The following STPG2 variants were observed in gnomAD, a reference collection of about 807,000 sequenced individuals.
The protein encoded by STPG2 is sperm-tail PG-rich repeat-containing protein 2.
STPG2 carries 56 observed loss-of-function variants against 54.2 expected under a neutral mutation model. The observed-to-expected ratio is 1.03, with a 90% confidence interval of 0.83 to 1.29. The LOEUF (loss-of-function observed/expected upper bound fraction) is 1.29, where lower values mean the gene tolerates loss of function less well. Among genes scored for constraint, STPG2 ranks in the 50% most tolerant of loss-of-function variants. STPG2 has a pLI of 0.00. For synonymous variants in STPG2, 200 were observed against 181.8 expected, an observed-to-expected ratio of 1.10 and a Z score of -0.81; for missense variants, 596 against 544.9, an observed-to-expected ratio of 1.09 and a Z score of -0.93.
chr4:97,835,627 T>C (rs1036242409), intron 9 of STPG2, among the ~76,000 whole-genome samples: 1 of 152,134 alleles, frequency 6.6e-6, no homozygotes, highest in African/African-American at 2.4e-5. Flanking sequence ...TAATTTCAAC[T>C]TTCAAGTCTT....
At chr4:97,661,047 A>G (rs1722361694) in intron 10 of STPG2, among the ~76,000 whole-genome samples, 1 of 151,634 alleles carries the variant, frequency 6.6e-6, no homozygotes, top group African/African-American at 2.4e-5. Context: ...ATATAAAAAA[A>G]TAAGTTTCCA....
At chr4:97,570,432 C>A (rs1732569325) in intron 10 of STPG2, among the ~76,000 whole-genome samples, 1 of 152,152 alleles carries the variant, frequency 6.6e-6, no homozygotes, top group East Asian at 1.9e-4. Context: ...AGACAACTAA[C>A]AAGAAGACAC....
At chr4:97,596,901 A>C (rs559785559) in intron 10 of STPG2, among the ~76,000 whole-genome samples, 1 of 152,234 alleles carries the variant, frequency 6.6e-6, no homozygotes, top group Admixed American at 6.5e-5. Context: ...GCAGAAAACA[A>C]GAAATAACCA....
At chr4:97,465,073 T>G (rs537250780) in intron 4 of STPG2, among the ~76,000 whole-genome samples, 21 of 152,274 alleles carry the variant, frequency 1.4e-4, no homozygotes, top group African/African-American at 5.1e-4. Context: ...CTAGGAGAAC[T>G]TGTTGGTGAG....
At chr4:97,823,932 C>A (rs1728171975) in intron 9 of STPG2, among the ~76,000 whole-genome samples, 1 of 152,072 alleles carries the variant, frequency 6.6e-6, no homozygotes, top group Admixed American at 6.6e-5. Flanking sequence ...GGTGAGAGTC[C>A]TTCCTAAGAT....
intron 10 of STPG2, among the ~76,000 whole-genome samples, chr4:97,658,087 C>T (rs1642438293): frequency 6.6e-6 from 1 of 152,056 alleles, no homozygotes; most frequent in African/African-American, 2.4e-5. Context: ...CTAAAATGTC[C>T]AGATTTTATC....
chr4:98,040,546 T>G (rs1252657253), intron 5 of STPG2, among the ~76,000 whole-genome samples: 1 of 151,886 alleles, frequency 6.6e-6, no homozygotes, highest in Non-Finnish European at 1.5e-5. Flanking sequence ...GGCTAGCCAA[T>G]TTTCCCGGCA....
intron 8 of STPG2, among the ~76,000 whole-genome samples, chr4:97,927,438 T>C (rs2149215681): frequency 6.6e-6 from 1 of 152,262 alleles, no homozygotes; most frequent in African/African-American, 2.4e-5. Flanking sequence ...AACCTGATAG[T>C]CAACTTTTAG....
chr4:97,936,624 C>T (rs1380238867), intron 8 of STPG2, among the ~76,000 whole-genome samples: 1 of 152,136 alleles, frequency 6.6e-6, no homozygotes, highest in Non-Finnish European at 1.5e-5. Context: ...TTTTATTTCT[C>T]CTTCACTTAT....
intron 7 of STPG2, among the ~76,000 whole-genome samples, chr4:97,971,689 C>T (rs1297987473): frequency 6.6e-6 from 1 of 151,860 alleles, no homozygotes; most frequent in African/African-American, 2.4e-5. Flanking sequence ...AGGAGAAATA[C>T]CTAATGTAAC....
intron 5 of STPG2, among the ~76,000 whole-genome samples, chr4:98,003,586 T>C (rs1735481018): frequency 6.6e-6 from 1 of 152,088 alleles, no homozygotes; most frequent in African/African-American, 2.4e-5. Flanking sequence ...TATATGCCAC[T>C]TAAAAAGACT....
chr4:98,072,907 C>A (rs186300239), intron 5 of STPG2, among the ~76,000 whole-genome samples: 273 of 152,196 alleles, frequency 1.8e-3, no homozygotes, highest in African/African-American at 6.0e-3. Context: ...ATTAGTCGTG[C>A]GAGGTTGAGC....
intron 8 of STPG2, among the ~76,000 whole-genome samples, chr4:97,880,407 A>G (rs1730327113): frequency 6.6e-6 from 1 of 152,190 alleles, no homozygotes; most frequent in African/African-American, 2.4e-5. Flanking sequence ...TACAGAATGA[A>G]AGAAGATTGT....
chr4:97,755,555 T>C (rs1018636154), intron 9 of STPG2, among the ~76,000 whole-genome samples: 7 of 152,226 alleles, frequency 4.6e-5, no homozygotes, highest in African/African-American at 1.7e-4. Context: ...ATGTACTTCA[T>C]ACTGCCTTCA....
chr4:97,646,757 A>G (rs1407571827), intron 10 of STPG2, among the ~76,000 whole-genome samples: 1 of 152,136 alleles, frequency 6.6e-6, no homozygotes, highest in African/African-American at 2.4e-5. Flanking sequence ...AGTTATAATA[A>G]TTTCAAAATC....
In STPG2 at chr4:97,470,650, AATT is replaced by A. The variant is rs1450121296; in HGVS notation, c.462+242046_462+242048del. On this transcript the variant is annotated intron_variant, in intron 4 of 4. Coordinates refer to the STPG2 transcript ENST00000522676. ...AAATTAACAACAATAATAATAAAACAATTATAATGAAATACTGTAATAAAAGTT... is the reference window on the plus strand; with the variant it reads ...AAATTAACAACAATAATAATAAAACAATAATGAAATACTGTAATAAAAGTT... Among the ~76,000 whole-genome samples the A allele has an allele frequency of 4.6e-5, 7 of 152,142 alleles. No homozygotes were observed. The East Asian group carries it at 1.2e-3, about 25-fold the overall frequency.
At chr4:97,939,610 T>C (rs1183827577) in intron 8 of STPG2, among the ~76,000 whole-genome samples, 1 of 152,218 alleles carries the variant, frequency 6.6e-6, no homozygotes, top group East Asian at 1.9e-4. Context: ...TGTCTGAAAT[T>C]AAGATTGCAA....
chr4:97,705,750 T>A (rs935120417), intron 10 of STPG2, among the ~76,000 whole-genome samples: 1 of 151,908 alleles, frequency 6.6e-6, no homozygotes, highest in Non-Finnish European at 1.5e-5. Context: ...TTAAAATGTT[T>A]ATATATAGTT....
At chr4:97,628,039 C>T (rs150119555) in intron 10 of STPG2, among the ~76,000 whole-genome samples, 2 of 152,088 alleles carry the variant, frequency 1.3e-5, no homozygotes, top group Non-Finnish European at 2.9e-5. Flanking sequence ...ACCACAGGTT[C>T]GAATGCTAAT....
Sources: allele counts gnomAD v4.1 joint callset (sites outside exome capture counted in the v4.1 genomes callset), GRCh38; gene constraint gnomAD v4.1.1; transcripts MANE v1.5; gene names NCBI Gene and HGNC (gene_info 2026-07-23, HGNC 2026-07-21).